Variants in FRAS1 observed in about 807,000 individuals in gnomAD.
FRAS1 encodes extracellular matrix organizing protein FRAS1.
In FRAS1, 290 loss-of-function variants were observed where a neutral mutation model predicts 435.2. The observed-to-expected ratio is 0.67, with a 90% CI of 0.61 to 0.73. FRAS1 has a LOEUF of 0.73. FRAS1 is among the 30% of genes least tolerant of loss of function. The pLI is 0.00. For synonymous variants in FRAS1, 1,800 were observed against 1,851.0 expected (o/e 0.97, Z 0.71); for missense variants, 4,860 against 5,001.5 (o/e 0.97, Z 0.85).
intron 2 of FRAS1, among the ~76,000 whole-genome samples, chr4:78,092,870 A>G (rs1741604548): frequency 1.3e-5 from 2 of 152,194 alleles, no homozygotes; most frequent in Admixed American, 1.3e-4. Context: ...AATCCTCACA[A>G]AGCTAGCAAA....
chr4:78,090,221 TG>T, intron 2 of FRAS1, among the ~76,000 whole-genome samples: 1 of 152,182 alleles, frequency 6.6e-6, no homozygotes, highest in Non-Finnish European at 1.5e-5. Flanking sequence ...GGTACATTTA[TG>T]ACCATGCAAG....
chr4:78,355,736 T>C (rs1015969414), intron 20 of FRAS1, among the ~76,000 whole-genome samples: 2 of 152,186 alleles, frequency 1.3e-5, no homozygotes, highest in African/African-American at 4.8e-5. Context: ...ACACTTCCTC[T>C]ACTGTGTCCT....
intron 2 of FRAS1, among the ~76,000 whole-genome samples, chr4:78,202,564 G>A (rs958958485): frequency 1.1e-4 from 17 of 152,108 alleles, no homozygotes; most frequent in African/African-American, 3.9e-4. Context: ...GGAGGTACAC[G>A]CTTCTAATCC....
chr4:78,266,484 G>A (rs1358292290), intron 7 of FRAS1, among the ~76,000 whole-genome samples: 1 of 152,212 alleles, frequency 6.6e-6, no homozygotes, highest in African/African-American at 2.4e-5. Context: ...TGGCAGTGAG[G>A]GCTGGGTCTC....
At chr4:78,103,214 G>T (rs1742221570) in intron 2 of FRAS1, among the ~76,000 whole-genome samples, 2 of 152,286 alleles carry the variant, frequency 1.3e-5, no homozygotes, top group South Asian at 4.1e-4. Flanking sequence ...ATAAACTCAT[G>T]GTATTGGAAG....
At chr4:78,253,429 G>C (rs186539293) in intron 5 of FRAS1, among the ~76,000 whole-genome samples, 2 of 152,140 alleles carry the variant, frequency 1.3e-5, no homozygotes, top group African/African-American at 2.4e-5. Context: ...TGAAGATAAC[G>C]GGATTAAAAG....
chr4:78,491,141 G>T lies in FRAS1; in HGVS notation c.8958+2061G>T, dbSNP rs548281782. Among the ~76,000 whole-genome samples, 107 of 152,284 alleles carry T rather than the reference G, an allele frequency of 7.0e-4. 1 individual carries two copies. The highest frequency in any genetic ancestry group is 2.5e-3 in the African/African-American group (104 of 41,566). The stretch of plus-strand genomic sequence containing the variant: ...GAATCCCTGAATAGACCAGTAACAA[G>T]TTCTGAAATTGAGGCAGTAATTAAT... On this transcript the variant is annotated intron_variant, in intron 59 of 73. Coordinates refer to ENST00000512123, the MANE Select transcript of FRAS1 (RefSeq NM_025074.7).
At chr4:78,255,531 T>A (rs1025129933) in intron 6 of FRAS1, among the ~76,000 whole-genome samples, 156 bp downstream of exon 6, 1 of 152,202 alleles carries the variant, frequency 6.6e-6, no homozygotes, top group Admixed American at 6.5e-5. Context: ...TCTGAGACAT[T>A]TCTTTTACCC....
rs140784551 is a variant in FRAS1 at position 78,491,734 on chromosome 4, A to G, written c.8958+2654A>G. On this transcript the variant is annotated intron_variant, in intron 59 of 73. Coordinates refer to ENST00000512123, the MANE Select transcript of FRAS1 (RefSeq NM_025074.7). ...AAAGCTGGAAGTATTCCCTTTGAAA[A>G]CCTGCACAAGACAAAGATGCCCTCT... Among the ~76,000 whole-genome samples the G allele has an allele frequency of 3.7e-3, 569 of 152,318 alleles. 7 individuals are homozygous for G. The highest frequency in any genetic ancestry group is 6.6e-3 in the Non-Finnish European group (449 of 68,024).
chr4:78,081,882 C>T (rs1271598135), intron 2 of FRAS1, among the ~76,000 whole-genome samples: 1 of 152,066 alleles, frequency 6.6e-6, no homozygotes, highest in Non-Finnish European at 1.5e-5. Flanking sequence ...CTTCCTTACG[C>T]CATATCCTTT....
chr4:78,072,912 G>A (rs1367171191), intron 2 of FRAS1, among the ~76,000 whole-genome samples: 4 of 152,052 alleles, frequency 2.6e-5, no homozygotes, highest in African/African-American at 4.8e-5. Flanking sequence ...AAACAGAATC[G>A]GGATGAGTTA....
intron 2 of FRAS1, among the ~76,000 whole-genome samples, chr4:78,104,389 G>T (rs573810757): frequency 6.6e-6 from 1 of 152,336 alleles, no homozygotes; most frequent in South Asian, 2.1e-4. Context: ...AACCTTGGCA[G>T]ATGGGTGGGG....
intron 1 of FRAS1, among the ~76,000 whole-genome samples, 179 bp downstream of exon 1, chr4:78,058,264 C>G (rs1305382170): frequency 6.6e-6 from 1 of 151,970 alleles, no homozygotes; most frequent in East Asian, 1.9e-4. Flanking sequence ...GATAAGATTC[C>G]TACTCCTGAT....
chr4:78,507,387 C>G (rs764001754), intron 61 of FRAS1, 34 bp from the exon 62 acceptor site: 8 of 1,576,040 alleles, frequency 5.1e-6, no homozygotes, highest in Middle Eastern at 1.7e-4. Flanking sequence ...CCTAATGAAG[C>G]CTTTGCTCTC....
chr4:78,236,055 A>G (rs902611149), intron 2 of FRAS1, among the ~76,000 whole-genome samples: 3 of 152,220 alleles, frequency 2.0e-5, no homozygotes, highest in African/African-American at 4.8e-5. Context: ...GGAATGATTC[A>G]TCTCTGAGGT....
At chr4:78,165,146 G>A (rs1465902612) in intron 2 of FRAS1, among the ~76,000 whole-genome samples, 3 of 152,138 alleles carry the variant, frequency 2.0e-5, no homozygotes, top group African/African-American at 7.2e-5. Context: ...AGCTTTCTGA[G>A]CTAAAGGTAT....
At chr4:78,438,263 G>C (rs1029314011) in intron 38 of FRAS1, among the ~76,000 whole-genome samples, 1 of 152,118 alleles carries the variant, frequency 6.6e-6, no homozygotes, top group Non-Finnish European at 1.5e-5. Flanking sequence ...ATGAAATCTT[G>C]TATGGCTTTT....
At chr4:78,488,613 G>C (rs191094989) in intron 58 of FRAS1, among the ~76,000 whole-genome samples, 1 of 152,174 alleles carries the variant, frequency 6.6e-6, no homozygotes, top group Non-Finnish European at 1.5e-5. Flanking sequence ...GATGGTGACA[G>C]CATTTTGAAG....
intron 2 of FRAS1, among the ~76,000 whole-genome samples, chr4:78,175,915 C>A (rs569883363): frequency 6.6e-6 from 1 of 152,226 alleles, no homozygotes; most frequent in East Asian, 1.9e-4. Context: ...AGCACAAGGG[C>A]TCTCAAGCAT....
Sources: gnomAD v4.1 joint callset for allele counts (sites outside exome capture counted in the v4.1 genomes callset) on GRCh38, gnomAD v4.1.1 for gene constraint, MANE v1.5 for transcripts, NCBI Gene and HGNC (gene_info 2026-07-23, HGNC 2026-07-21) for gene names.